The following NME7 variants were observed in gnomAD, a reference collection of about 807,000 sequenced individuals.
NME7 encodes the protein nucleoside diphosphate kinase 7.
NME7 carries 41 observed loss-of-function variants against 49.1 expected under a neutral mutation model. The ratio of observed to expected loss-of-function variants is 0.83; its 90% CI spans 0.65 to 1.08. NME7 has a LOEUF of 1.08. NME7 is among the 50% of genes least tolerant of loss of function. The pLI, the probability that NME7 is intolerant of heterozygous loss-of-function variation, is 0.00. For missense variants in NME7, 423 were observed against 463.4 expected, an observed-to-expected ratio of 0.91 and a Z score of 0.80; for synonymous variants, 139 against 150.6, an observed-to-expected ratio of 0.92 and a Z score of 0.56.
intron 1 of NME7, among the ~76,000 whole-genome samples, chr1:169,354,793 ATATC>A (rs930610529): frequency 2.2e-5 from 3 of 139,520 alleles, no homozygotes; most frequent in Non-Finnish European, 3.1e-5. Context: ...GTGTGTGCAC[ATATC>A]TATTATATAT....
chr1:169,148,510 G>A (rs1199539444), intron 11 of NME7, among the ~76,000 whole-genome samples: 2 of 152,100 alleles, frequency 1.3e-5, no homozygotes, highest in African/African-American at 4.8e-5. Flanking sequence ...AATATTTTAT[G>A]AATGAAAAAC....
chr1:169,354,052 T>A (rs1261583675), intron 1 of NME7, among the ~76,000 whole-genome samples: 3 of 152,014 alleles, frequency 2.0e-5, no homozygotes, highest in Non-Finnish European at 4.4e-5. Context: ...CACCACCGGG[T>A]CTATACCCAA....
intron 1 of NME7, among the ~76,000 whole-genome samples, chr1:169,336,026 G>A (rs532632408): frequency 4.0e-5 from 6 of 151,888 alleles, no homozygotes; most frequent in East Asian, 1.9e-4. Context: ...TTAAGGTGGC[G>A]CATCCGGAGT....
At chr1:169,327,190 G>A (rs1652091094) in intron 1 of NME7, among the ~76,000 whole-genome samples, 1 of 152,190 alleles carries the variant, frequency 6.6e-6, no homozygotes, top group Admixed American at 6.5e-5. Context: ...TGAGTTGTCT[G>A]TCACAGATGC....
At chr1:169,292,452 T>C (rs1650543183) in intron 6 of NME7, among the ~76,000 whole-genome samples, 1 of 152,080 alleles carries the variant, frequency 6.6e-6, no homozygotes, top group Non-Finnish European at 1.5e-5. Context: ...GTATGCATAA[T>C]ATAAAGAACT....
chr1:169,162,569 C>G (rs1039226929), intron 11 of NME7, among the ~76,000 whole-genome samples: 2 of 152,090 alleles, frequency 1.3e-5, no homozygotes, highest in African/African-American at 4.8e-5. Flanking sequence ...ACAGGCCAGG[C>G]ATGGTGACTC....
intron 11 of NME7, among the ~76,000 whole-genome samples, chr1:169,163,876 C>A (rs1488375542): frequency 6.6e-6 from 1 of 152,000 alleles, no homozygotes; most frequent in East Asian, 1.9e-4. Context: ...TTTGGGAAGC[C>A]AAGGCGGGCA....
At chr1:169,279,408 C>A (rs1388677206) in intron 7 of NME7, among the ~76,000 whole-genome samples, 2 of 152,206 alleles carry the variant, frequency 1.3e-5, no homozygotes, top group African/African-American at 2.4e-5. Context: ...TCCCCTCCCC[C>A]AGCCTTGCTG....
intron 7 of NME7, among the ~76,000 whole-genome samples, chr1:169,242,871 C>G (rs113502548): frequency 8.4e-4 from 128 of 151,836 alleles, no homozygotes; most frequent in African/African-American, 3.0e-3. Flanking sequence ...ATGTATAGAA[C>G]TTGTGTATGA....
At chr1:169,271,709 T>C (rs1361277607) in intron 7 of NME7, among the ~76,000 whole-genome samples, 1 of 133,350 alleles carries the variant, frequency 7.5e-6, no homozygotes, top group African/African-American at 2.5e-5. Flanking sequence ...GGGATAATCC[T>C]ATTCCATTTC....
At position 169,132,830 on chromosome 1, in the gene NME7, A is replaced by AACAC; in HGVS notation, c.1099-17_1099-14dup. On this transcript the variant is annotated splice_polypyrimidine_tract_variant and intron_variant, in intron 11 of 11. Transcript: ENST00000367811. ...AGAAGTATTGAACCTGAAACGGAGA[A>AACAC]ACACATAATTTCTTAGTTCAGACAA... The AACAC allele has an allele frequency of 6.2e-7, 1 of 1,612,710 alleles. No individual in the cohort carries two copies. Among genetic ancestry groups the AACAC allele is most frequent in the Non-Finnish European group, 8.5e-7 (1 of 1,179,418 alleles).
rs1266818240 is a variant in NME7 at position 169,259,855 on chromosome 1, T to G, written c.755-22168A>C. 2.2e-5 allele frequency among the ~76,000 whole-genome samples: 3 copies of G among 134,056 alleles called. 1 individual carries two copies. The highest frequency in any genetic ancestry group is 5.3e-5 in the Non-Finnish European group (3 of 56,930). The allele number at this position is 134,056 out of a possible 152,430, so 87.9% of individuals were successfully genotyped here. A position where few individuals can be genotyped will look rare whatever the true frequency, so the allele number is the denominator to read the frequency against. ...GAAGAAAGTCTGTGGCACAGACCTGTAACCACAATTTCAAGAGTCATTTTT... is the reference window on the plus strand; with the variant it reads ...GAAGAAAGTCTGTGGCACAGACCTGGAACCACAATTTCAAGAGTCATTTTT... On this transcript the variant is annotated intron_variant, in intron 7 of 11. Transcript: ENST00000367811.
At chr1:169,196,002 G>C (rs111653200) in intron 10 of NME7, among the ~76,000 whole-genome samples, 7 of 152,246 alleles carry the variant, frequency 4.6e-5, no homozygotes, top group African/African-American at 1.7e-4. Flanking sequence ...GGAAAAGGTA[G>C]GCTTTGATCT....
chr1:169,278,480 G>A lies in NME7; in HGVS notation c.754+8823C>T, dbSNP rs555648100. On this transcript the variant is annotated intron_variant, in intron 7 of 11. Coordinates refer to ENST00000367811, the MANE Select transcript of NME7 (RefSeq NM_013330.5). The stretch of plus-strand genomic sequence containing the variant: ...ACCCTTTCTTCCAGTTGATCGCATC[G>A]ACTCCTGAGGCTTCTGCATTCTTCA... Among the ~76,000 whole-genome samples, 13 of 151,938 alleles carry A rather than the reference G, an allele frequency of 8.6e-5. 1 individual carries two copies. The South Asian group carries it at 2.5e-3, about 29-fold the overall frequency.
At chr1:169,221,921 T>TTTTG (rs139378396) in intron 10 of NME7, among the ~76,000 whole-genome samples, 9 of 151,914 alleles carry the variant, frequency 5.9e-5, no homozygotes, top group African/African-American at 2.2e-4. Context: ...TTTGTTTTAT[T>TTTTG]TTTGTTTGTT....
At chr1:169,167,638 T>G (rs1659455688) in intron 11 of NME7, among the ~76,000 whole-genome samples, 1 of 152,228 alleles carries the variant, frequency 6.6e-6, no homozygotes, top group African/African-American at 2.4e-5. Context: ...TTTCATTTCA[T>G]ATTTTATGTT....
chr1:169,293,386 A>G (rs1054249960), intron 6 of NME7, among the ~76,000 whole-genome samples: 5 of 152,064 alleles, frequency 3.3e-5, no homozygotes, highest in Admixed American at 1.3e-4. Context: ...AGAATCCTAG[A>G]TAGAAACTTA....
At chr1:169,303,006 AG>A in intron 5 of NME7, 138 bp downstream of exon 5, 1 of 486,476 alleles carries the variant, frequency 2.1e-6, no homozygotes. Context: ...TATAATTCTT[AG>A]AATTCTGTGC....
At chr1:169,349,665 T>C (rs970718025) in intron 1 of NME7, among the ~76,000 whole-genome samples, 5 of 152,188 alleles carry the variant, frequency 3.3e-5, no homozygotes, top group African/African-American at 1.2e-4. Flanking sequence ...GTGTGTGTTG[T>C]GTGTGTAACA....
Sources: allele counts gnomAD v4.1 joint callset (sites outside exome capture counted in the v4.1 genomes callset), GRCh38; gene constraint gnomAD v4.1.1; transcripts MANE v1.5; gene names NCBI Gene and HGNC (gene_info 2026-07-23, HGNC 2026-07-21).